The following SH3GL1 variants were observed in gnomAD, a reference collection of about 807,000 sequenced individuals.
SH3GL1 encodes the protein endophilin-A2.
SH3GL1 carries 21 observed loss-of-function variants against 48.8 expected under a neutral mutation model. The observed-to-expected ratio is 0.43, with a 90% CI of 0.30 to 0.62. The LOEUF is 0.62. SH3GL1 is among the 20% of genes least tolerant of loss of function. The pLI, the probability that SH3GL1 is intolerant of heterozygous loss-of-function variation, is 0.11. For missense variants in SH3GL1, 454 were observed against 503.0 expected (o/e 0.90, Z 0.93); for synonymous variants, 282 against 217.5 (o/e 1.30, Z -2.61).
At chr19:4,398,453 G>A (rs1331733417) in intron 1 of SH3GL1, among the ~76,000 whole-genome samples, 27 of 151,602 alleles carry the variant, frequency 1.8e-4, no homozygotes, top group Non-Finnish European at 1.5e-5. Flanking sequence ...TGCAATCTCG[G>A]CTCACTGCAA....
intron 1 of SH3GL1, among the ~76,000 whole-genome samples, chr19:4,387,809 G>A (rs1025769126): frequency 2.0e-5 from 3 of 152,174 alleles, no homozygotes; most frequent in African/African-American, 4.8e-5. Context: ...TCAGCCTCCC[G>A]AGTAGCGGGG....
intron 1 of SH3GL1, among the ~76,000 whole-genome samples, chr19:4,399,191 A>G (rs911356373): frequency 6.6e-6 from 1 of 151,892 alleles, no homozygotes; most frequent in East Asian, 1.9e-4. Context: ...GTGGTGGCGC[A>G]TGCCTGTAGT....
At chr19:4,377,574 TGA>T (rs991322866) in intron 1 of SH3GL1, among the ~76,000 whole-genome samples, 14 of 152,052 alleles carry the variant, frequency 9.2e-5, no homozygotes, top group Admixed American at 5.2e-4. Context: ...CAGGGGGTGG[TGA>T]GAGGCGGTCA....
intron 1 of SH3GL1, among the ~76,000 whole-genome samples, chr19:4,382,209 G>A (rs1305882715): frequency 6.7e-6 from 1 of 149,072 alleles, no homozygotes; most frequent in Non-Finnish European, 1.5e-5. Context: ...CTCTTCCGTT[G>A]TCTCAGCTCC....
At chr19:4,364,410 C>T (rs1369502515) in intron 4 of SH3GL1, 189 bp from the exon 5 acceptor site, 5 of 645,042 alleles carry the variant, frequency 7.8e-6, no homozygotes, top group South Asian at 3.7e-5. Context: ...GCCGGGACCA[C>T]AGGCGTTCAC....
rs192508769 is a variant in SH3GL1, at chr19:4,362,077, T to C, written c.910+252A>G. ...GGTGACAGGGAGTGACCAGATGCCC[T>C]CAAGCCCTTGTAGCCACCACACAGC... On this transcript the variant is annotated intron_variant, in intron 9 of 9. Transcript: ENST00000269886. Among the ~76,000 whole-genome samples, 563 of 152,308 alleles carry C rather than the reference T, an allele frequency of 3.7e-3. 1 individual carries two copies. Among genetic ancestry groups the C allele is most frequent in the African/African-American group, 0.012 (510 of 41,574 alleles).
At chr19:4,384,328 C>T (rs2144907137) in intron 1 of SH3GL1, among the ~76,000 whole-genome samples, 1 of 152,346 alleles carries the variant, frequency 6.6e-6, no homozygotes, top group East Asian at 1.9e-4. Context: ...CTGGCCAAGG[C>T]CCCCAGGCAC....
At chr19:4,388,589 T>G (rs899802540) in intron 1 of SH3GL1, among the ~76,000 whole-genome samples, 1 of 152,198 alleles carries the variant, frequency 6.6e-6, no homozygotes, top group Non-Finnish European at 1.5e-5. Flanking sequence ...GGCCCAGCCA[T>G]GGCAAAAGTC....
intron 1 of SH3GL1, among the ~76,000 whole-genome samples, chr19:4,388,198 A>G (rs1973271344): frequency 2.0e-5 from 3 of 152,114 alleles, no homozygotes; most frequent in Admixed American, 1.3e-4. Context: ...AAATACCACG[A>G]TCCCCTTTAA....
At chr19:4,366,213 A>G (rs1972774806) in intron 3 of SH3GL1, among the ~76,000 whole-genome samples, 1 of 152,176 alleles carries the variant, frequency 6.6e-6, no homozygotes, top group Non-Finnish European at 1.5e-5. Flanking sequence ...CCCACAAGTA[A>G]GCTGGGGGAG....
intron 1 of SH3GL1, among the ~76,000 whole-genome samples, chr19:4,392,857 G>A (rs1190436155): frequency 1.3e-5 from 2 of 152,138 alleles, no homozygotes; most frequent in Non-Finnish European, 2.9e-5. Context: ...CAGGAGAATC[G>A]CTTGAACTGG....
intron 1 of SH3GL1, among the ~76,000 whole-genome samples, chr19:4,393,542 C>T (rs559615380): frequency 6.6e-6 from 1 of 152,234 alleles, no homozygotes; most frequent in African/African-American, 2.4e-5. Context: ...CCTGTAATCC[C>T]AGCACTTTGG....
In SH3GL1 at chr19:4,362,712, A is replaced by C; in HGVS notation, c.753T>G (p.Pro251=). Reference sequence around the variant, plus strand: ...GGGGCTTGGGCTTATACTCCCGCTTAGGGCGTGAGGAAGCTTCCCGCATCC... The same window carrying C: ...GGGGCTTGGGCTTATACTCCCGCTTCGGGCGTGAGGAAGCTTCCCGCATCC... ...KRRMREASSR[P]KREYKPKPRE... is the part of the protein sequence containing the mutation. Residue 251 remains proline, a synonymous_variant, in exon 8 of 10, where the codon CCT becomes CCG. Coordinates refer to ENST00000269886, the MANE Select transcript of SH3GL1 (RefSeq NM_003025.4). 1 of 1,614,004 alleles carries C rather than the reference A, an allele frequency of 6.2e-7. No individual in the cohort carries two copies.
chr19:4,364,381 C>T (rs1290264046), intron 4 of SH3GL1, 160 bp from the exon 5 acceptor site: 3 of 849,092 alleles, frequency 3.5e-6, no homozygotes, highest in Non-Finnish European at 3.7e-6. Context: ...GCCATGCTGG[C>T]ACCTCAGCCT....
chr19:4,396,212 C>A (rs1973422078), intron 1 of SH3GL1, among the ~76,000 whole-genome samples: 1 of 152,024 alleles, frequency 6.6e-6, no homozygotes, highest in African/African-American at 2.4e-5. Flanking sequence ...GCCTGGCCAA[C>A]ATGGTGAAAC....
intron 4 of SH3GL1, 152 bp downstream of exon 4, chr19:4,365,330 T>G: frequency 2.0e-6 from 2 of 1,019,980 alleles, no homozygotes; most frequent in Non-Finnish European, 3.0e-6. Context: ...TGGGTTGGTC[T>G]GTGCAGTCTC....
Position 4,365,380 on chromosome 19 carries a change from C to A in SH3GL1, c.331+102G>T, listed in dbSNP as rs145323921. Reference sequence around the variant, plus strand: ...CTGGAAAGCTGTGGGGGCCACTGTACGTCCCCGGCACTCAGCACATGCAGG... The same window carrying A: ...CTGGAAAGCTGTGGGGGCCACTGTAAGTCCCCGGCACTCAGCACATGCAGG... On this transcript the variant is annotated intron_variant, in intron 4 of 9. Transcript: ENST00000269886. 2.0e-5 allele frequency: 30 copies of A among 1,487,382 alleles called. No individual in the cohort carries two copies. In the South Asian group the frequency reaches 3.2e-4, roughly 16 times the overall value. The allele number at this position is 1,487,382 out of a possible 1,614,324, so 92.1% of individuals were successfully genotyped here.
At chr19:4,398,014 C>G (rs1973454981) in intron 1 of SH3GL1, among the ~76,000 whole-genome samples, 1 of 151,974 alleles carries the variant, frequency 6.6e-6, no homozygotes, top group Non-Finnish European at 1.5e-5. Flanking sequence ...ACCTGGCTAA[C>G]TTTTTCATAT....
intron 1 of SH3GL1, among the ~76,000 whole-genome samples, chr19:4,392,284 T>G (rs1973351227): frequency 6.6e-6 from 1 of 152,124 alleles, no homozygotes; most frequent in Non-Finnish European, 1.5e-5. Flanking sequence ...CCCAGCACTT[T>G]GGGAGGCAAG....
Sources: gnomAD v4.1 joint callset for allele counts (sites outside exome capture counted in the v4.1 genomes callset) on GRCh38, gnomAD v4.1.1 for gene constraint, MANE v1.5 for transcripts, NCBI Gene and HGNC (gene_info 2026-07-23, HGNC 2026-07-21) for gene names.